Variants in LRRTM4 observed in about 807,000 individuals in gnomAD.
LRRTM4 encodes the protein leucine rich repeat transmembrane neuronal 4.
Under a neutral mutation model 47.6 loss-of-function variants are expected in LRRTM4, and 25 were observed. The ratio of observed to expected loss-of-function variants is 0.53; its 90% CI spans 0.38 to 0.73. The LOEUF (loss-of-function observed/expected upper bound fraction) is 0.73, where lower values mean the gene tolerates loss of function less well. Among genes scored for constraint, LRRTM4 ranks in the 30% least tolerant of loss-of-function variants. The pLI is 0.00. For synonymous variants in LRRTM4, 311 were observed against 269.5 expected (o/e 1.15, Z -1.51); for missense variants, 638 against 713.4 (o/e 0.89, Z 1.20).
At chr2:76,953,282 C>G (rs1204461376) in intron 3 of LRRTM4, among the ~76,000 whole-genome samples, 1 of 151,914 alleles carries the variant, frequency 6.6e-6, no homozygotes, top group Non-Finnish European at 1.5e-5. Flanking sequence ...CACAGGAACA[C>G]TGATCTAACA....
intron 3 of LRRTM4, among the ~76,000 whole-genome samples, chr2:77,121,046 A>G (rs1328431776): frequency 6.6e-6 from 1 of 151,826 alleles, no homozygotes; most frequent in Admixed American, 6.6e-5. Flanking sequence ...TTGGAAGATA[A>G]TGACGAGAGG....
intron 3 of LRRTM4, among the ~76,000 whole-genome samples, chr2:77,482,637 A>G (rs1161839942): frequency 2.0e-5 from 3 of 152,194 alleles, no homozygotes; most frequent in Non-Finnish European, 4.4e-5. Context: ...AGTTGACATG[A>G]AAAAATATTT....
At chr2:77,019,253 C>CAA (rs56028060) in intron 3 of LRRTM4, among the ~76,000 whole-genome samples, 6,324 of 78,540 alleles carry the variant, frequency 0.081, 676 homozygotes, top group African/African-American at 0.21. Flanking sequence ...CACTGCTCTA[C>CAA]AAAAAAAAAA....
At chr2:76,882,572 T>C (rs935585448) in intron 3 of LRRTM4, among the ~76,000 whole-genome samples, 7 of 151,706 alleles carry the variant, frequency 4.6e-5, no homozygotes, top group African/African-American at 7.3e-5. Flanking sequence ...AGCATGATGG[T>C]GCATGCCTGT....
At chr2:76,964,906 A>T (rs1675974438) in intron 3 of LRRTM4, among the ~76,000 whole-genome samples, 2 of 150,870 alleles carry the variant, frequency 1.3e-5, no homozygotes, top group African/African-American at 4.8e-5. Context: ...AAAAGAGTAC[A>T]ACAAACAACT....
At chr2:76,770,183 A>G (rs943350494) in intron 3 of LRRTM4, among the ~76,000 whole-genome samples, 2 of 152,222 alleles carry the variant, frequency 1.3e-5, no homozygotes, top group African/African-American at 2.4e-5. Flanking sequence ...TTCATGAACA[A>G]TGCCAAGTTT....
chr2:77,404,876 T>G (rs552591468), intron 3 of LRRTM4, among the ~76,000 whole-genome samples: 7 of 152,048 alleles, frequency 4.6e-5, no homozygotes, highest in Non-Finnish European at 1.5e-5. Flanking sequence ...AGAGTAAAAG[T>G]TTTTTTAAAA....
At chr2:77,067,591 A>G (rs1679998182) in intron 3 of LRRTM4, among the ~76,000 whole-genome samples, 1 of 152,082 alleles carries the variant, frequency 6.6e-6, no homozygotes, top group South Asian at 2.1e-4. Flanking sequence ...AGTTAGAACA[A>G]GAATCTTTCC....
intron 3 of LRRTM4, among the ~76,000 whole-genome samples, chr2:77,368,311 C>A (rs192977370): frequency 1.3e-5 from 2 of 151,794 alleles, no homozygotes; most frequent in African/African-American, 4.8e-5. Context: ...GAACTGGATT[C>A]AAGGGATAAA....
At chr2:77,196,854 A>G (rs1209738249) in intron 3 of LRRTM4, among the ~76,000 whole-genome samples, 2 of 152,220 alleles carry the variant, frequency 1.3e-5, no homozygotes, top group East Asian at 1.9e-4. Context: ...GAAATAAACC[A>G]TTTTAAAAAT....
intron 3 of LRRTM4, among the ~76,000 whole-genome samples, chr2:76,802,716 T>C (rs895537489): frequency 1.3e-5 from 2 of 152,022 alleles, no homozygotes; most frequent in Admixed American, 6.6e-5. Context: ...CAAAGTATAC[T>C]ACAAAGCTAT....
intron 3 of LRRTM4, among the ~76,000 whole-genome samples, chr2:77,217,585 G>A (rs927437158): frequency 6.6e-6 from 1 of 151,190 alleles, no homozygotes; most frequent in African/African-American, 2.4e-5. Context: ...AAACATGGCT[G>A]TTTGTTTGGG....
intron 3 of LRRTM4, among the ~76,000 whole-genome samples, chr2:77,107,838 A>AAG (rs1671140724): frequency 7.1e-6 from 1 of 141,334 alleles, no homozygotes; most frequent in African/African-American, 2.7e-5. Flanking sequence ...AAAAAAAAAG[A>AAG]AAGAAAGAAA....
At chr2:76,986,878 T>C (rs367892249) in intron 3 of LRRTM4, among the ~76,000 whole-genome samples, 2 of 151,926 alleles carry the variant, frequency 1.3e-5, no homozygotes, top group African/African-American at 4.8e-5. Context: ...AAAATAAACA[T>C]GGCAAATACA....
chr2:77,448,311 C>T (rs1206531598), intron 3 of LRRTM4, among the ~76,000 whole-genome samples: 1 of 152,142 alleles, frequency 6.6e-6, no homozygotes, highest in Non-Finnish European at 1.5e-5. Context: ...CCAGTGCATA[C>T]CTGGCTTCTG....
chr2:77,092,569 G>C (rs1014749509), intron 3 of LRRTM4, among the ~76,000 whole-genome samples: 1 of 123,342 alleles, frequency 8.1e-6, no homozygotes, highest in Non-Finnish European at 1.6e-5. Context: ...CATCAAGCTC[G>C]AGGATTTGCC....
At chr2:77,111,821 TGACTGCAG>T (rs1671260602) in intron 3 of LRRTM4, among the ~76,000 whole-genome samples, 1 of 152,120 alleles carries the variant, frequency 6.6e-6, no homozygotes, top group Non-Finnish European at 1.5e-5. Flanking sequence ...TGGACGTTTT[TGACTGCAG>T]AAGAAAAAAA....
rs769896329 is a variant in LRRTM4 at position 77,518,493 on chromosome 2, T to C, written c.1376A>G (p.Gln459Arg). 6.2e-7 allele frequency: 1 copy of C among 1,613,470 alleles called. No individual in the cohort carries two copies. The highest frequency in any genetic ancestry group is 8.5e-7 in the Non-Finnish European group (1 of 1,179,648). ...CCGCCGCCTCTTCATAAGAGAGTGTTGCTGGAGTTGTTTCATGCTGGCTGG... is the reference window on the plus strand; with the variant it reads ...CCGCCGCCTCTTCATAAGAGAGTGTCGCTGGAGTTGTTTCATGCTGGCTGG... ...RYPASMKQLQ[Q>R]HSLMKRRRKK... The change falls in exon 3 of 4, where the codon CAA (glutamine) becomes CGA (arginine). Residue 459 changes from glutamine (Q) to arginine (R), a missense_variant. Physicochemically the swap from Gln to Arg is conservative, Grantham distance 43 (BLOSUM62 1). Coordinates refer to ENST00000409884, the MANE Select transcript of LRRTM4 (RefSeq NM_001134745.3).
chr2:77,106,978 AAATT>A (rs2103924093), intron 3 of LRRTM4, among the ~76,000 whole-genome samples: 1 of 152,232 alleles, frequency 6.6e-6, no homozygotes, highest in African/African-American at 2.4e-5. Flanking sequence ...ATATGTAAGA[AAATT>A]AATATTTTTG....
Sources: gnomAD v4.1 joint callset for allele counts (sites outside exome capture counted in the v4.1 genomes callset) on GRCh38, gnomAD v4.1.1 for gene constraint, MANE v1.5 for transcripts, NCBI Gene and HGNC (gene_info 2026-07-23, HGNC 2026-07-21) for gene names.